The following BTBD2 variants were observed in gnomAD, a reference collection of about 807,000 sequenced individuals.
BTBD2 encodes BTB/POZ domain-containing protein 2.
In BTBD2, 15 loss-of-function variants were observed where a neutral mutation model predicts 44.0. The observed-to-expected ratio is 0.34, with a 90% CI of 0.23 to 0.53. The LOEUF (loss-of-function observed/expected upper bound fraction) is 0.53, where lower values mean the gene tolerates loss of function less well. Ranked by LOEUF, BTBD2 falls within the 20% of genes least tolerant of loss-of-function variation. The pLI is 0.95. For missense variants in BTBD2, 657 were observed against 746.4 expected, an observed-to-expected ratio of 0.88 and a Z score of 1.39; for synonymous variants, 443 against 335.9, an observed-to-expected ratio of 1.32 and a Z score of -3.49.
chr19:2,010,488 C>T (rs1027378041), intron 1 of BTBD2, among the ~76,000 whole-genome samples: 2 of 152,164 alleles, frequency 1.3e-5, no homozygotes, highest in African/African-American at 4.8e-5. Flanking sequence ...CTCCTCTCTG[C>T]CATGTCTCAG....
chr19:1,999,508 C>G (rs1369757530), intron 1 of BTBD2, among the ~76,000 whole-genome samples: 1 of 151,934 alleles, frequency 6.6e-6, no homozygotes, highest in Non-Finnish European at 1.5e-5. Context: ...TCTACAAAAA[C>G]ATTGAAAATT....
At position 1,990,730 on chromosome 19, in the gene BTBD2, G is replaced by A. The variant is rs766195972; in HGVS notation, c.777C>T (p.Thr259=). The change falls in exon 4 of 9, where the codon ACC becomes ACT. Residue 259 remains threonine (T), a synonymous_variant. Transcript: ENST00000255608. The stretch of plus-strand genomic sequence containing the variant: ...CTGGGCCCTTACCCAGGTCAATGTC[G>A]GTGAAGCCCTCCGCGGTGATGGCGT... ...TADAITAEGF[T]DIDLDTLVAV... The A allele has an allele frequency of 1.1e-5, 17 of 1,601,606 alleles. No homozygotes were observed. The highest frequency in any genetic ancestry group is 6.8e-5 in the East Asian group (3 of 44,068).
At chr19:1,991,147 GC>G (rs2016171662) in intron 3 of BTBD2, 1 of 265,546 alleles carries the variant, frequency 3.8e-6, no homozygotes, top group Non-Finnish European at 7.4e-6. Flanking sequence ...TCGGGGGGCA[GC>G]AGGGCCCAGG....
intron 1 of BTBD2, among the ~76,000 whole-genome samples, chr19:2,009,554 T>G (rs951069271): frequency 1.3e-5 from 2 of 149,950 alleles, no homozygotes; most frequent in Non-Finnish European, 3.0e-5. Flanking sequence ...ATAGAGTGAA[T>G]AAAGATACGT....
At chr19:2,000,060 G>A (rs139311597) in intron 1 of BTBD2, among the ~76,000 whole-genome samples, 14 of 152,272 alleles carry the variant, frequency 9.2e-5, no homozygotes, top group East Asian at 3.9e-4. Flanking sequence ...GGCCAAGGAC[G>A]TCTGGAGTCC....
intron 5 of BTBD2, among the ~76,000 whole-genome samples, chr19:1,988,792 G>A (rs1228530152): frequency 2.6e-5 from 4 of 151,744 alleles, no homozygotes; most frequent in Non-Finnish European, 5.9e-5. Flanking sequence ...TAGTAGAGAC[G>A]GGGTTTCACC....
At chr19:2,004,997 T>C (rs1292365698) in intron 1 of BTBD2, among the ~76,000 whole-genome samples, 1 of 151,802 alleles carries the variant, frequency 6.6e-6, no homozygotes, top group Non-Finnish European at 1.5e-5. Flanking sequence ...TTTTTTTGTA[T>C]TTTTAGTAGA....
chr19:1,987,965 TGTCTCA>T, intron 5 of BTBD2: 1 of 455,956 alleles, frequency 2.2e-6, no homozygotes, highest in Admixed American at 3.9e-5. Context: ...TCAGGGGTGA[TGTCTCA>T]GGGTCTGGCC....
At position 1,993,034 on chromosome 19, in the gene BTBD2, T is replaced by C. The variant is rs139660333; in HGVS notation, c.670A>G (p.Met224Val). The C allele has an allele frequency of 1.0e-5, 15 of 1,452,072 alleles. No homozygotes were observed. Among genetic ancestry groups the C allele is most frequent in the African/African-American group, 8.7e-5 (6 of 68,964 alleles). 89.9% of individuals were successfully genotyped at this position (1,452,072 alleles called of 1,614,324 possible). The change falls in exon 3 of 9, where the codon ATG (methionine) becomes GTG (valine). Residue 224 changes from methionine (M) to valine (V), a missense_variant. Physicochemically the swap from Met to Val is conservative, Grantham distance 21. This residue lies in a region of BTBD2 where 449 missense variants were observed against 510.9 expected (regional missense o/e 0.88). Transcript: ENST00000255608. ...KKNLRADNAF[M>V]LLTQARLFDE... ...GCCCCGCCCACCTGCGTGAGCAGCA[T>C]GAAGGCGTTGTCGGCTCGCAGGTTC...
intron 1 of BTBD2, among the ~76,000 whole-genome samples, chr19:2,008,007 T>TG (rs1246964627): frequency 1.7e-3 from 253 of 150,502 alleles, no homozygotes; most frequent in African/African-American, 6.1e-3. Context: ...GCTGAGAAAG[T>TG]CTTTTTTTTT....
intron 1 of BTBD2, among the ~76,000 whole-genome samples, chr19:1,998,765 G>A (rs990895246): frequency 6.6e-6 from 1 of 152,172 alleles, no homozygotes; most frequent in Non-Finnish European, 1.5e-5. Flanking sequence ...AGCACACACA[G>A]CATAGGGGGG....
rs780009775 is a variant in BTBD2 at position 2,015,326 on chromosome 19, C to A, written c.378G>T (p.Gly126=). The change falls in exon 1 of 9, where the codon GGG becomes GGT. Residue 126 remains glycine (G), a synonymous_variant. Coordinates refer to ENST00000255608, the MANE Select transcript of BTBD2 (RefSeq NM_017797.4). ...GCGCGGGGATGCGCTGCGAGCTGAGCCCCTTGCCCACCAGGAAGTGCACGT... is the reference window on the plus strand; with the variant it reads ...GCGCGGGGATGCGCTGCGAGCTGAGACCCTTGCCCACCAGGAAGTGCACGT... ...LCDVHFLVGK[G]LSSQRIPAHR... is the part of the protein sequence containing the mutation. 1 of 1,577,118 alleles carries A rather than the reference C, an allele frequency of 6.3e-7. No homozygotes were observed. Among genetic ancestry groups the A allele is most frequent in the Non-Finnish European group, 8.6e-7 (1 of 1,169,206 alleles).
chr19:1,997,039 G>C (rs1047394280), intron 2 of BTBD2, among the ~76,000 whole-genome samples: 6 of 151,874 alleles, frequency 4.0e-5, no homozygotes, highest in African/African-American at 1.5e-4. Flanking sequence ...AATTAGCCGG[G>C]CGTGGTGGCA....
intron 5 of BTBD2, chr19:1,988,056 T>C (rs2016118430): frequency 4.4e-6 from 1 of 229,206 alleles, no homozygotes; most frequent in African/African-American, 2.3e-5. Context: ...TCAGGGCCAT[T>C]GGCTGGGAGG....
intron 1 of BTBD2, among the ~76,000 whole-genome samples, chr19:2,001,660 C>T (rs1329379301): frequency 6.6e-6 from 1 of 152,204 alleles, no homozygotes; most frequent in African/African-American, 2.4e-5. Context: ...GTGGCCGTCC[C>T]GAGCCCACAG....
At position 2,015,578 on chromosome 19, in the gene BTBD2, G is replaced by C. The variant is rs1276764952; in HGVS notation, c.126C>G (p.Ala42=). Residue 42 remains alanine, a synonymous_variant, in exon 1 of 9, where the codon GCC becomes GCG. Transcript: ENST00000255608. ...AAATPAPGNA[A]AAAAAAAAAA... is the part of the protein sequence containing the mutation. Reference sequence around the variant, plus strand: ...CGGCGGCGGCGGCGGCGGCGGCGGCGGCCGCGTTGCCGGGGGCCGGGGTGG... The same window carrying C: ...CGGCGGCGGCGGCGGCGGCGGCGGCCGCCGCGTTGCCGGGGGCCGGGGTGG... 104 of 821,218 alleles carry C rather than the reference G, an allele frequency of 1.3e-4. No individual in the cohort carries two copies. The highest frequency in any genetic ancestry group is 1.1e-3 in the African/African-American group (56 of 50,108). 50.9% of individuals were successfully genotyped at this position (821,218 alleles called of 1,614,324 possible).
intron 3 of BTBD2, 57 bp downstream of exon 3, chr19:1,992,963 C>T (rs1568216327): frequency 4.1e-6 from 4 of 972,678 alleles, no homozygotes; most frequent in African/African-American, 1.7e-5. Context: ...CGCCCCACCC[C>T]GGCCCCGCCT....
intron 1 of BTBD2, among the ~76,000 whole-genome samples, chr19:2,004,469 G>T (rs974607222): frequency 6.6e-6 from 1 of 151,522 alleles, no homozygotes; most frequent in African/African-American, 2.4e-5. Flanking sequence ...AGCTAATTCT[G>T]CATTTTTAGT....
chr19:1,998,403 G>A (rs2016280016), intron 1 of BTBD2, among the ~76,000 whole-genome samples: 1 of 152,254 alleles, frequency 6.6e-6, no homozygotes, highest in Non-Finnish European at 1.5e-5. Flanking sequence ...GGAAGGGCAT[G>A]GAGGCCCAGG....
Sources: allele counts gnomAD v4.1 joint callset (sites outside exome capture counted in the v4.1 genomes callset), GRCh38; gene constraint gnomAD v4.1.1; regional missense constraint gnomAD v4.1.1; transcripts MANE v1.5; gene names NCBI Gene and HGNC (gene_info 2026-07-23, HGNC 2026-07-21).